Variants in FRA10AC1 observed in about 807,000 individuals in gnomAD.
The protein encoded by FRA10AC1 is FRA10A associated CGG repeat 1.
In FRA10AC1, 43 loss-of-function variants were observed where a neutral mutation model predicts 56.5. That is an observed-to-expected ratio of 0.76 (90% CI 0.60 to 0.98). The LOEUF is 0.98. Among genes scored for constraint, FRA10AC1 ranks in the 50% least tolerant of loss-of-function variants. FRA10AC1 has a pLI of 0.00. For missense variants in FRA10AC1, 346 were observed against 351.8 expected (o/e 0.98, Z 0.13); for synonymous variants, 112 against 110.5 (o/e 1.01, Z -0.09).
chr10:93,676,289 G>A (rs1049606551), intron 12 of FRA10AC1, among the ~76,000 whole-genome samples: 8 of 152,022 alleles, frequency 5.3e-5, no homozygotes, highest in South Asian at 2.1e-4. Context: ...AATACTCAAC[G>A]AAATCCAATC....
chr10:93,688,430 A>G (rs765809662), intron 7 of FRA10AC1, among the ~76,000 whole-genome samples: 1 of 152,188 alleles, frequency 6.6e-6, no homozygotes, highest in South Asian at 2.1e-4. Flanking sequence ...ATAATGGTAG[A>G]CACACGTCAT....
Position 93,687,457 on chromosome 10 carries a change from T to TA in FRA10AC1, c.466-9dup. On this transcript the variant is annotated splice_polypyrimidine_tract_variant and intron_variant, in intron 7 of 13. Transcript: ENST00000359204. ...TCGCCACCTAAATCCAAACTGATAA[T>TA]AAAAAAATTACATTTATGCCAATGT... 5 of 1,505,006 alleles carry TA rather than the reference T, an allele frequency of 3.3e-6. No homozygotes were observed. Among genetic ancestry groups the TA allele is most frequent in the Admixed American group, 2.1e-5 (1 of 47,966 alleles). 93.2% of individuals were successfully genotyped at this position (1,505,006 alleles called of 1,614,324 possible).
chr10:93,689,060 GTTT>G (rs3085158), intron 7 of FRA10AC1, among the ~76,000 whole-genome samples: 301 of 127,006 alleles, frequency 2.4e-3, no homozygotes, highest in Non-Finnish European at 3.9e-3. Flanking sequence ...TTGTTGTGGG[GTTT>G]TTTTTTTTTT....
intron 7 of FRA10AC1, among the ~76,000 whole-genome samples, chr10:93,689,543 T>C (rs1390913564): frequency 1.3e-5 from 2 of 152,182 alleles, no homozygotes; most frequent in Non-Finnish European, 2.9e-5. Context: ...CCAAACTTTC[T>C]TCTTCATTCA....
At chr10:93,698,977 A>G (rs764695218) in intron 2 of FRA10AC1, among the ~76,000 whole-genome samples, 7 of 152,202 alleles carry the variant, frequency 4.6e-5, no homozygotes, top group Non-Finnish European at 1.0e-4. Flanking sequence ...GCACTGCTTC[A>G]GGCCAACAAT....
rs1190495347 is a variant in FRA10AC1 at position 93,669,594 on chromosome 10, C to A, written c.*232G>T. On this transcript the variant is annotated 3_prime_UTR_variant, in exon 14 of 14. Transcript: ENST00000359204. The stretch of plus-strand genomic sequence containing the variant: ...TATCCTCTAGGAGCTACAAATAAAA[C>A]AGAATTGTAGATAAGCAATTGAAAA... 3 of 483,262 alleles carry A rather than the reference C, an allele frequency of 6.2e-6. No homozygotes were observed. Among genetic ancestry groups the A allele is most frequent in the African/African-American group, 6.1e-5 (3 of 49,066 alleles). 29.9% of individuals were successfully genotyped at this position (483,262 alleles called of 1,614,324 possible).
intron 11 of FRA10AC1, 122 bp downstream of exon 11, chr10:93,681,358 T>C: frequency 1.5e-6 from 1 of 651,242 alleles, no homozygotes; most frequent in South Asian, 2.1e-5. Flanking sequence ...CTCAGCCAGT[T>C]TCCTCTCAAC....
intron 5 of FRA10AC1, among the ~76,000 whole-genome samples, chr10:93,693,772 C>G (rs1179719289): frequency 6.7e-6 from 1 of 149,492 alleles, no homozygotes; most frequent in Non-Finnish European, 1.5e-5. Flanking sequence ...TGTCTTTTTG[C>G]AGCAACTTGG....
intron 12 of FRA10AC1, chr10:93,671,732 T>A: frequency 3.9e-6 from 1 of 259,286 alleles, no homozygotes; most frequent in Non-Finnish European, 7.5e-6. Context: ...ATAATAGATA[T>A]GTTAAAAACA....
chr10:93,700,961 C>A (rs1414728766), intron 1 of FRA10AC1, among the ~76,000 whole-genome samples: 2 of 152,052 alleles, frequency 1.3e-5, no homozygotes, highest in Non-Finnish European at 2.9e-5. Context: ...CTCCAAGTAG[C>A]TGAGACTACA....
intron 7 of FRA10AC1, among the ~76,000 whole-genome samples, chr10:93,690,556 GACA>G (rs1230737003): frequency 1.3e-5 from 2 of 151,692 alleles, no homozygotes; most frequent in African/African-American, 4.8e-5. Flanking sequence ...AATAGATACT[GACA>G]ACAACAACAA....
chr10:93,673,670 A>G (rs1190745973), intron 12 of FRA10AC1: 5 of 370,098 alleles, frequency 1.4e-5, no homozygotes, highest in Non-Finnish European at 2.6e-5. Context: ...GAACAAACAC[A>G]GGATTTATAT....
chr10:93,698,465 A>G (rs754864239), intron 2 of FRA10AC1, 69 bp from the exon 3 acceptor site: 216 of 840,476 alleles, frequency 2.6e-4, no homozygotes, highest in Non-Finnish European at 4.0e-4. Context: ...TTATATTTTC[A>G]TAACTGGAAT....
intron 10 of FRA10AC1, 133 bp from the exon 11 acceptor site, chr10:93,681,731 G>A (rs1279351657): frequency 5.4e-6 from 4 of 740,306 alleles, no homozygotes; most frequent in Admixed American, 4.1e-5. Context: ...AATAAGGAAC[G>A]TTAAGTGAGA....
rs2059261042 is a variant in FRA10AC1 at position 93,698,006 on chromosome 10, T to C, written c.219+130A>G. ...GTACCCAAAAGTATAAATGGCAAAA[T>C]CCTACATCACTAAATACTTATCTTT... is the stretch of plus-strand genomic sequence containing the variant. On this transcript the variant is annotated intron_variant, in intron 4 of 13. Transcript: ENST00000359204. 5.6e-6 allele frequency: 3 copies of C among 534,752 alleles called. No individual in the cohort carries two copies. The East Asian group carries it at 9.5e-5, about 17-fold the overall frequency. The allele number at this position is 534,752 out of a possible 1,614,324, so 33.1% of individuals were successfully genotyped here.
At chr10:93,680,345 T>C (rs997509681) in intron 11 of FRA10AC1, among the ~76,000 whole-genome samples, 2 of 152,150 alleles carry the variant, frequency 1.3e-5, no homozygotes, top group Admixed American at 6.6e-5. Flanking sequence ...ATAATTAAGA[T>C]AGAGACAAAA....
chr10:93,693,505 TATACACCATATATATATATATACACC>T (rs1230756510), intron 5 of FRA10AC1, among the ~76,000 whole-genome samples: 50 of 43,334 alleles, frequency 1.2e-3, no homozygotes, highest in Middle Eastern at 0.015. Context: ...TATATATATA[TATACACCATATATATATATATACACC>T]ATATATATAT....
At chr10:93,685,161 T>G in intron 9 of FRA10AC1, 85 bp downstream of exon 9, 1 of 697,298 alleles carries the variant, frequency 1.4e-6, no homozygotes, top group Middle Eastern at 2.6e-4. Flanking sequence ...TGTTAAAAAT[T>G]GCATTTGAAT....
chr10:93,673,722 G>A lies in FRA10AC1; in HGVS notation c.827-2874C>T, dbSNP rs569956153. The A allele has an allele frequency of 1.1e-4, 47 of 430,688 alleles. No homozygotes were observed. The Middle Eastern group carries it at 3.4e-3, about 32-fold the overall frequency. 26.7% of individuals were successfully genotyped at this position (430,688 alleles called of 1,614,324 possible). A position where few individuals can be genotyped will look rare whatever the true frequency, so the allele number is the denominator to read the frequency against. On this transcript the variant is annotated intron_variant, in intron 12 of 13. Transcript: ENST00000359204. ...TCTCTGATAACAATGATAGCTACAG[G>A]TTATCAAGGACTTACTTTGCGTCAG...
Sources: gnomAD v4.1 joint callset for allele counts (sites outside exome capture counted in the v4.1 genomes callset) on GRCh38, gnomAD v4.1.1 for gene constraint, MANE v1.5 for transcripts, NCBI Gene and HGNC (gene_info 2026-07-23, HGNC 2026-07-21) for gene names.